C8orf34: variants seen among roughly 807,000 people sequenced by gnomAD.
C8orf34 encodes the protein uncharacterized protein C8orf34.
Under a neutral mutation model 68.3 loss-of-function variants are expected in C8orf34, and 65 were observed. The ratio of observed to expected loss-of-function variants is 0.95; its 90% CI spans 0.78 to 1.17. The LOEUF is 1.17. Ranked by LOEUF, C8orf34 falls within the 50% of genes most tolerant of loss-of-function variation. The pLI is 0.00. For synonymous variants in C8orf34, 244 were observed against 241.2 expected, an observed-to-expected ratio of 1.01 and a Z score of -0.11; for missense variants, 664 against 655.4, an observed-to-expected ratio of 1.01 and a Z score of -0.14.
intron 12 of C8orf34, among the ~76,000 whole-genome samples, chr8:68,811,504 G>A (rs1413507305): frequency 1.3e-5 from 2 of 152,194 alleles, no homozygotes; most frequent in East Asian, 1.9e-4. Context: ...GCTCCATGGA[G>A]TGCACATCCC....
At chr8:68,464,578 C>T (rs1244774288) in intron 3 of C8orf34, among the ~76,000 whole-genome samples, 4 of 152,150 alleles carry the variant, frequency 2.6e-5, no homozygotes, top group African/African-American at 9.7e-5. Flanking sequence ...ACCAAAACAG[C>T]ATGGTACTGG....
At chr8:68,370,664 G>A (rs956133658) in intron 1 of C8orf34, among the ~76,000 whole-genome samples, 13 of 152,092 alleles carry the variant, frequency 8.5e-5, no homozygotes, top group Non-Finnish European at 1.3e-4. Flanking sequence ...GATTTACTGT[G>A]GCATGTCAGC....
At chr8:68,438,614 G>T (rs543156009) in intron 1 of C8orf34, 2 of 152,180 alleles carry the variant, frequency 1.3e-5, no homozygotes, top group South Asian at 2.1e-4. Flanking sequence ...AAACCAACAA[G>T]ATGAAATGTG....
intron 8 of C8orf34, among the ~76,000 whole-genome samples, chr8:68,645,513 A>G (rs1435732892): frequency 6.6e-6 from 1 of 151,934 alleles, no homozygotes; most frequent in Non-Finnish European, 1.5e-5. Flanking sequence ...ATCTTTCAGG[A>G]TTTCTGTGTT....
In C8orf34 at chr8:68,677,935, A is replaced by G. The variant is rs576266405; in HGVS notation, c.1242-31059A>G. ...CAATATTGCAGAAATTCAAAGGATT[A>G]TTAGAGGCTACTAAGAGAAACTATA... On this transcript the variant is annotated intron_variant, in intron 8 of 13. Transcript: ENST00000518698. Among the ~76,000 whole-genome samples, 117 of 152,320 alleles carry G rather than the reference A, an allele frequency of 7.7e-4. 2 individuals carry two copies. The highest frequency in any genetic ancestry group is 2.8e-3 in the African/African-American group (116 of 41,580).
chr8:68,783,253 C>T (rs1347439662), intron 11 of C8orf34, among the ~76,000 whole-genome samples: 3 of 152,244 alleles, frequency 2.0e-5, no homozygotes, highest in South Asian at 2.1e-4. Context: ...GAAATAGAGG[C>T]GCACGCCTGT....
intron 10 of C8orf34, among the ~76,000 whole-genome samples, chr8:68,763,574 CT>C (rs1823083856): frequency 6.6e-6 from 1 of 152,100 alleles, no homozygotes; most frequent in African/African-American, 2.4e-5. Flanking sequence ...ACTCAATTTC[CT>C]GTTGATCCTA....
At position 68,515,872 on chromosome 8, in the gene C8orf34, A is replaced by G. The variant is rs1207057437; in HGVS notation, c.766-5927A>G. 2.6e-5 allele frequency among the ~76,000 whole-genome samples: 4 copies of G among 152,224 alleles called. No individual in the cohort carries two copies. In the East Asian group the frequency reaches 5.8e-4, roughly 22 times the overall value. Reference sequence around the variant, plus strand: ...TTGTACTATGTATGAATCAGTTCACACTAATTATTACAAAGAATAAGAGCT... The same window carrying G: ...TTGTACTATGTATGAATCAGTTCACGCTAATTATTACAAAGAATAAGAGCT... On this transcript the variant is annotated intron_variant, in intron 5 of 13. Coordinates refer to ENST00000518698, the MANE Select transcript of C8orf34 (RefSeq NM_052958.4).
intron 5 of C8orf34, among the ~76,000 whole-genome samples, chr8:68,509,781 C>G (rs1355742828): frequency 6.6e-6 from 1 of 152,036 alleles, no homozygotes; most frequent in East Asian, 1.9e-4. Context: ...GGAAGAGCAT[C>G]CTCTTTCCCT....
intron 8 of C8orf34, among the ~76,000 whole-genome samples, chr8:68,704,517 C>T (rs1018595435): frequency 3.3e-5 from 5 of 152,044 alleles, no homozygotes; most frequent in African/African-American, 7.2e-5. Context: ...AAATGACTTA[C>T]GAAGGAAGCC....
chr8:68,473,336 G>A (rs1390658188), intron 4 of C8orf34, among the ~76,000 whole-genome samples: 3 of 152,134 alleles, frequency 2.0e-5, no homozygotes, highest in Non-Finnish European at 4.4e-5. Context: ...GACCAGGTGT[G>A]ATGTTTACAT....
intron 10 of C8orf34, among the ~76,000 whole-genome samples, chr8:68,760,809 AAGG>A (rs1439661500): frequency 6.6e-6 from 1 of 152,150 alleles, no homozygotes. Context: ...GAGATAATGG[AAGG>A]AGAACTGGAT....
intron 7 of C8orf34, among the ~76,000 whole-genome samples, chr8:68,565,493 G>A (rs1225571530): frequency 6.6e-6 from 1 of 152,120 alleles, no homozygotes; most frequent in Non-Finnish European, 1.5e-5. Context: ...AGAGAGGGAA[G>A]GAAAAAGCAA....
Position 68,787,806 on chromosome 8 carries a change from T to A in C8orf34, c.1549+270T>A, listed in dbSNP as rs577865020. Reference sequence around the variant, plus strand: ...CAACATAGACTGTCTAGTTGGAATATGAATCTTCTATGAATAGTCTACGAT... The same window carrying A: ...CAACATAGACTGTCTAGTTGGAATAAGAATCTTCTATGAATAGTCTACGAT... On this transcript the variant is annotated intron_variant, in intron 12 of 13. Transcript: ENST00000518698. 1.1e-4 allele frequency among the ~76,000 whole-genome samples: 16 copies of A among 152,334 alleles called. No homozygotes were observed. In the East Asian group the frequency reaches 3.1e-3, roughly 29 times the overall value.
At position 68,605,595 on chromosome 8, in the gene C8orf34, G is replaced by T. The variant is rs545005579; in HGVS notation, c.1106-34781G>T. 1.1e-4 allele frequency among the ~76,000 whole-genome samples: 17 copies of T among 152,144 alleles called. No individual in the cohort carries two copies. In the East Asian group the frequency reaches 1.4e-3, roughly 12 times the overall value. On this transcript the variant is annotated intron_variant, in intron 7 of 13. Coordinates refer to ENST00000518698, the MANE Select transcript of C8orf34 (RefSeq NM_052958.4). ...GCGAAGAGGAGGAGACACCTTAAGT[G>T]CATATTACTAGGTGAAATAAACCAA...
chr8:68,360,437 G>T (rs908031001), intron 1 of C8orf34, among the ~76,000 whole-genome samples: 3 of 152,114 alleles, frequency 2.0e-5, no homozygotes, highest in African/African-American at 7.2e-5. Context: ...GCCAATACTT[G>T]TAGACAAAAT....
At chr8:68,810,082 G>GA (rs1190504587) in intron 12 of C8orf34, among the ~76,000 whole-genome samples, 1 of 151,162 alleles carries the variant, frequency 6.6e-6, no homozygotes, top group African/African-American at 2.5e-5. Flanking sequence ...TCTGTGGCCA[G>GA]TGGCATCTTT....
intron 9 of C8orf34, among the ~76,000 whole-genome samples, chr8:68,713,311 G>T (rs1208753200): frequency 6.6e-5 from 10 of 151,782 alleles, no homozygotes; most frequent in Admixed American, 6.6e-4. Context: ...GAAGAAAAGA[G>T]ATAACGAAGA....
At chr8:68,564,334 A>G (rs772224912) in intron 7 of C8orf34, among the ~76,000 whole-genome samples, 21 of 152,230 alleles carry the variant, frequency 1.4e-4, no homozygotes, top group Non-Finnish European at 2.8e-4. Flanking sequence ...GCTTATTGAA[A>G]CAGATAAGAT....
Sources: gnomAD v4.1 joint callset for allele counts (sites outside exome capture counted in the v4.1 genomes callset) on GRCh38, gnomAD v4.1.1 for gene constraint, MANE v1.5 for transcripts, NCBI Gene and HGNC (gene_info 2026-07-23, HGNC 2026-07-21) for gene names.